FRMD5: variants seen among roughly 807,000 people sequenced by gnomAD.
The protein encoded by FRMD5 is FERM domain-containing protein 5.
Under a neutral mutation model 69.0 loss-of-function variants are expected in FRMD5, and 20 were observed. The observed-to-expected ratio is 0.29, with a 90% CI of 0.20 to 0.42. FRMD5 has a LOEUF of 0.42. FRMD5 is among the 10% of genes least tolerant of loss of function. FRMD5 has a pLI of 1.00. For synonymous variants in FRMD5, 271 were observed against 260.1 expected (o/e 1.04, Z -0.40); for missense variants, 595 against 708.6 (o/e 0.84, Z 1.82).
chr15:44,066,163 A>G (rs1893302206), intron 1 of FRMD5, among the ~76,000 whole-genome samples: 1 of 152,178 alleles, frequency 6.6e-6, no homozygotes, highest in Non-Finnish European at 1.5e-5. Flanking sequence ...TTTTCTCCAC[A>G]GATGTAGGTG....
At chr15:43,915,000 T>G (rs1249236495) in intron 4 of FRMD5, among the ~76,000 whole-genome samples, 2 of 152,214 alleles carry the variant, frequency 1.3e-5, no homozygotes, top group African/African-American at 2.4e-5. Flanking sequence ...GTGCTGGGAT[T>G]ACAGGCGTGA....
Position 43,924,321 on chromosome 15 carries a change from G to C in FRMD5, c.103-12C>G. The C allele has an allele frequency of 6.3e-7, 1 of 1,596,222 alleles. No individual in the cohort carries two copies. Among genetic ancestry groups the C allele is most frequent in the East Asian group, 2.2e-5 (1 of 44,740 alleles). ...CCTTTGGCATCTCTCTGCAAAGAAA[G>C]AAAACTCCATTGAGAAATGAGTGGG... On this transcript the variant is annotated splice_polypyrimidine_tract_variant and intron_variant, in intron 1 of 13. Transcript: ENST00000417257.
intron 1 of FRMD5, among the ~76,000 whole-genome samples, chr15:43,943,220 C>A (rs2089890819): frequency 6.6e-6 from 1 of 151,922 alleles, no homozygotes; most frequent in South Asian, 2.1e-4. Flanking sequence ...CCAGCCTGGG[C>A]AACAACAGTG....
intron 4 of FRMD5, among the ~76,000 whole-genome samples, chr15:43,915,013 C>T (rs1052619832): frequency 1.8e-4 from 28 of 152,184 alleles, no homozygotes; most frequent in African/African-American, 6.8e-4. Flanking sequence ...AGGCGTGAGC[C>T]ACTGCGCCCA....
At chr15:44,189,693 T>C (rs552447748) in intron 1 of FRMD5, among the ~76,000 whole-genome samples, 20 of 152,154 alleles carry the variant, frequency 1.3e-4, no homozygotes, top group African/African-American at 4.8e-4. Context: ...GGTTTTACCA[T>C]GTTGACCAGG....
chr15:44,129,497 C>T (rs1464518560), intron 1 of FRMD5, among the ~76,000 whole-genome samples: 1 of 152,124 alleles, frequency 6.6e-6, no homozygotes, highest in East Asian at 1.9e-4. Context: ...TGTCTTTATC[C>T]TGTCATCTAT....
intron 1 of FRMD5, among the ~76,000 whole-genome samples, chr15:44,166,301 A>G (rs868423916): frequency 6.6e-6 from 1 of 152,096 alleles, no homozygotes; most frequent in Non-Finnish European, 1.5e-5. Flanking sequence ...GATGATGATG[A>G]TGGTGGTGGT....
intron 1 of FRMD5, among the ~76,000 whole-genome samples, chr15:44,003,251 T>C (rs2140181277): frequency 6.6e-6 from 1 of 152,312 alleles, no homozygotes; most frequent in East Asian, 1.9e-4. Context: ...TCAATCACCC[T>C]GGTCCAAGCC....
rs148089863 is a variant in FRMD5 at position 43,992,562 on chromosome 15, G to A, written c.103-68253C>T. ...CCAGCTAATTTTTGTATTTTTAGTA[G>A]AGACAGGGTTTCACCACATTGGCCA... is the stretch of plus-strand genomic sequence containing the variant. On this transcript the variant is annotated intron_variant, in intron 1 of 13. Transcript: ENST00000417257. 7.1e-3 allele frequency among the ~76,000 whole-genome samples: 1,083 copies of A among 152,122 alleles called. 18 individuals are homozygous for A. The highest frequency in any genetic ancestry group is 0.025 in the African/African-American group (1,034 of 41,492).
At chr15:44,057,735 T>C (rs1892929942) in intron 1 of FRMD5, among the ~76,000 whole-genome samples, 1 of 152,254 alleles carries the variant, frequency 6.6e-6, no homozygotes, top group Non-Finnish European at 1.5e-5. Flanking sequence ...AATTTTGCTA[T>C]AATTGGTTCT....
rs1488994666 is a variant in FRMD5, at chr15:43,872,046, C to A, written c.*1839G>T. 4.6e-5 allele frequency: 7 copies of A among 152,182 alleles called. No homozygotes were observed. The highest frequency in any genetic ancestry group is 4.6e-4 in the Admixed American group (7 of 15,276). The allele number at this position is 152,182 out of a possible 1,614,324, so 9.4% of individuals were successfully genotyped here. On this transcript the variant is annotated 3_prime_UTR_variant, in exon 14 of 14. Coordinates refer to ENST00000417257, the MANE Select transcript of FRMD5 (RefSeq NM_032892.5). ...TTCATAAAGTTTTATTGGAACACAGCCATGTTCCTTCATTTACAAATTATC... is the reference window on the plus strand; with the variant it reads ...TTCATAAAGTTTTATTGGAACACAGACATGTTCCTTCATTTACAAATTATC...
At chr15:44,067,689 G>A (rs1893369281) in intron 1 of FRMD5, among the ~76,000 whole-genome samples, 1 of 152,060 alleles carries the variant, frequency 6.6e-6, no homozygotes, top group South Asian at 2.1e-4. Flanking sequence ...ACGCCTAAAG[G>A]CCCCAACTCT....
intron 1 of FRMD5, among the ~76,000 whole-genome samples, chr15:44,056,495 T>G (rs1436201258): frequency 2.0e-5 from 3 of 152,192 alleles, no homozygotes; most frequent in Non-Finnish European, 4.4e-5. Flanking sequence ...CAATTATAAT[T>G]CTGAAAAGCC....
intron 1 of FRMD5, among the ~76,000 whole-genome samples, chr15:43,941,332 CCA>C (rs1406681286): frequency 6.6e-6 from 1 of 152,200 alleles, no homozygotes; most frequent in Non-Finnish European, 1.5e-5. Flanking sequence ...CTTACTGCAG[CCA>C]CAAACTCCTG....
intron 1 of FRMD5, among the ~76,000 whole-genome samples, chr15:44,002,214 G>A (rs570731433): frequency 6.6e-6 from 1 of 152,192 alleles, no homozygotes; most frequent in Non-Finnish European, 1.5e-5. Context: ...AGTGGAGAGT[G>A]GCATTTAAAA....
At chr15:43,954,680 A>G (rs1159659422) in intron 1 of FRMD5, among the ~76,000 whole-genome samples, 1 of 152,238 alleles carries the variant, frequency 6.6e-6, no homozygotes, top group Non-Finnish European at 1.5e-5. Flanking sequence ...GGCGCTTGCC[A>G]CATCCACCTT....
At chr15:44,177,479 C>G (rs1236756422) in intron 1 of FRMD5, among the ~76,000 whole-genome samples, 2 of 151,880 alleles carry the variant, frequency 1.3e-5, no homozygotes, top group African/African-American at 4.8e-5. Flanking sequence ...TTGTATGATA[C>G]CATTAATTAA....
chr15:44,119,795 G>A (rs2076921359), intron 1 of FRMD5, among the ~76,000 whole-genome samples: 1 of 150,792 alleles, frequency 6.6e-6, no homozygotes, highest in Non-Finnish European at 1.5e-5. Context: ...CCAGTTCTGG[G>A]TTCTGCCAGA....
At chr15:44,108,420 G>A (rs149412216) in intron 1 of FRMD5, among the ~76,000 whole-genome samples, 50 of 152,280 alleles carry the variant, frequency 3.3e-4, no homozygotes, top group African/African-American at 1.0e-3. Context: ...CAAGGCAGGC[G>A]GATCACCTGA....
Sources: allele counts gnomAD v4.1 joint callset (sites outside exome capture counted in the v4.1 genomes callset), GRCh38; gene constraint gnomAD v4.1.1; transcripts MANE v1.5; gene names NCBI Gene and HGNC (gene_info 2026-07-23, HGNC 2026-07-21).